Variants in SBSPON observed in about 807,000 individuals in gnomAD.
The protein encoded by SBSPON is somatomedin-B and thrombospondin type-1 domain-containing protein.
Under a neutral mutation model 35.8 loss-of-function variants are expected in SBSPON, and 30 were observed. That is an observed-to-expected ratio of 0.84 (90% CI 0.63 to 1.14). SBSPON has a LOEUF of 1.14. SBSPON is among the 50% of genes most tolerant of loss of function. SBSPON has a pLI of 0.00. For missense variants in SBSPON, 364 were observed against 357.7 expected, an observed-to-expected ratio of 1.02 and a Z score of -0.14; for synonymous variants, 136 against 135.9, an observed-to-expected ratio of 1.00 and a Z score of 0.00.
chr8:73,076,603 C>T (rs558027366), intron 2 of SBSPON, among the ~76,000 whole-genome samples: 1 of 151,516 alleles, frequency 6.6e-6, no homozygotes, highest in South Asian at 2.1e-4. Flanking sequence ...GCCATGATCA[C>T]ACCACTGCAC....
Position 73,067,168 on chromosome 8 carries a change from A to G in SBSPON, c.*173T>C. 2.0e-6 allele frequency: 1 copy of G among 494,450 alleles called. No homozygotes were observed. The highest frequency in any genetic ancestry group is 3.6e-6 in the Non-Finnish European group (1 of 274,578). The allele number at this position is 494,450 out of a possible 1,614,324, so 30.6% of individuals were successfully genotyped here. A position where few individuals can be genotyped will look rare whatever the true frequency, so the allele number is the denominator to read the frequency against. Reference sequence around the variant, plus strand: ...TCTTCAACTTAGTTAAAATAAAAATAAAGGACCTGTGTTCCTTGAGAACTG... The same window carrying G: ...TCTTCAACTTAGTTAAAATAAAAATGAAGGACCTGTGTTCCTTGAGAACTG... On this transcript the variant is annotated 3_prime_UTR_variant, in exon 5 of 5. Transcript: ENST00000297354.
chr8:73,081,147 G>A lies in SBSPON; in HGVS notation c.281C>T (p.Thr94Ile), dbSNP rs746411041. 1 of 1,613,332 alleles carries A rather than the reference G, an allele frequency of 6.2e-7. No homozygotes were observed. The highest frequency in any genetic ancestry group is 1.7e-5 in the Admixed American group (1 of 59,920). The change falls in exon 2 of 5, where the codon ACC becomes ATC. Residue 94 changes from threonine to isoleucine, a missense_variant. By Grantham distance (89) the Thr-to-Ile change is moderately conservative (BLOSUM62 -1). Transcript: ENST00000297354. ...CTGCACCGAGCGCCTCCGCACACGG[G>A]TTGTAGGCTTGCACTGGTCTGCACA... Reference protein sequence around the residue: ...SGCADQCKPTTRVRRRSVQQE... With the variant: ...SGCADQCKPTIRVRRRSVQQE...
chr8:73,087,947 C>G (rs1193083260), intron 1 of SBSPON, among the ~76,000 whole-genome samples: 2 of 152,180 alleles, frequency 1.3e-5, no homozygotes, highest in African/African-American at 4.8e-5. Flanking sequence ...GGCAGGGAAA[C>G]TTGGATCTGT....
rs1373905709 is a variant in SBSPON at position 73,066,784 on chromosome 8, A to G, written c.*557T>C. 1 of 152,226 alleles carries G rather than the reference A, an allele frequency of 6.6e-6. No individual in the cohort carries two copies. Among genetic ancestry groups the G allele is most frequent in the East Asian group, 1.9e-4 (1 of 5,206 alleles). The allele number at this position is 152,226 out of a possible 1,614,324, so 9.4% of individuals were successfully genotyped here. A position where few individuals can be genotyped will look rare whatever the true frequency, so the allele number is the denominator to read the frequency against. ...TTTTAGTATAACTTGGTTTTTCATT[A>G]CAGAATGCTTACTAAAATTTTAAAT... On this transcript the variant is annotated 3_prime_UTR_variant, in exon 5 of 5. Transcript: ENST00000297354.
In SBSPON at chr8:73,069,928, T is replaced by C. The variant is rs756106448; in HGVS notation, c.554A>G (p.Asn185Ser). ...CTGCATCCATCTAGTCAAGGGCCAG[T>C]TTTCCAGAGCACAGTGAGGAGTCAA... ...ESLTPHCALENWPLTRWMQYL... is the reference protein window; with the variant it reads ...ESLTPHCALESWPLTRWMQYL... Residue 185 changes from asparagine to serine, a missense_variant, in exon 4 of 5, where the codon AAC becomes AGC. Transcript: ENST00000297354. 6.2e-7 allele frequency: 1 copy of C among 1,611,568 alleles called. No individual in the cohort carries two copies. Among genetic ancestry groups the C allele is most frequent in the Non-Finnish European group, 8.5e-7 (1 of 1,178,368 alleles).
At chr8:73,088,294 A>G (rs1299791896) in intron 1 of SBSPON, among the ~76,000 whole-genome samples, 1 of 152,248 alleles carries the variant, frequency 6.6e-6, no homozygotes, top group Admixed American at 6.5e-5. Context: ...AAGCATGCTT[A>G]GTTACACTGA....
Position 73,073,995 on chromosome 8 carries a change from C to A in SBSPON, c.410-2125G>T, listed in dbSNP as rs187484405. On this transcript the variant is annotated intron_variant, in intron 2 of 4. Transcript: ENST00000297354. ...AAAGAACAAGAGAGTGCATGTATAT[C>A]AGGATCCCTCTCTGTTTCTCTGAGA... is the stretch of plus-strand genomic sequence containing the variant. Among the ~76,000 whole-genome samples, 208 of 152,286 alleles carry A rather than the reference C, an allele frequency of 1.4e-3. 2 individuals are homozygous for A. The highest frequency in any genetic ancestry group is 4.9e-3 in the African/African-American group (205 of 41,550).
intron 1 of SBSPON, among the ~76,000 whole-genome samples, chr8:73,088,682 CA>C (rs1051533557): frequency 7.4e-6 from 1 of 135,144 alleles, no homozygotes; most frequent in South Asian, 2.2e-4. Context: ...GATCCCATCT[CA>C]AAAAGAAAAA....
rs1311600887 is a variant in SBSPON, at chr8:73,093,130, G to C, written c.-63C>G. On this transcript the variant is annotated 5_prime_UTR_variant, in exon 1 of 5. Transcript: ENST00000297354. Reference sequence around the variant, plus strand: ...CCCGGGGCAAGCGCTCTGATCCTCGGCTGGCCGCGGCCCGGGAGCTGCCCG... The same window carrying C: ...CCCGGGGCAAGCGCTCTGATCCTCGCCTGGCCGCGGCCCGGGAGCTGCCCG... 3 of 926,290 alleles carry C rather than the reference G, an allele frequency of 3.2e-6. No homozygotes were observed. Among genetic ancestry groups the C allele is most frequent in the Admixed American group, 4.6e-5 (1 of 21,752 alleles). The allele number at this position is 926,290 out of a possible 1,614,324, so 57.4% of individuals were successfully genotyped here. A position where few individuals can be genotyped will look rare whatever the true frequency, so the allele number is the denominator to read the frequency against.
intron 1 of SBSPON, among the ~76,000 whole-genome samples, chr8:73,089,440 C>T (rs1193755561): frequency 2.6e-5 from 4 of 151,952 alleles, no homozygotes; most frequent in African/African-American, 9.7e-5. Context: ...CCTGTAATCC[C>T]AGCTACTCAG....
intron 1 of SBSPON, among the ~76,000 whole-genome samples, chr8:73,084,789 CACACACACACTT>C (rs1418102855): frequency 1.5e-5 from 2 of 131,168 alleles, no homozygotes; most frequent in Non-Finnish European, 1.6e-5. Flanking sequence ...CACACACACA[CACACACACACTT>C]ATTTCCTCTC....
At chr8:73,075,494 A>G (rs762696450) in intron 2 of SBSPON, among the ~76,000 whole-genome samples, 8 of 152,386 alleles carry the variant, frequency 5.2e-5, no homozygotes, top group East Asian at 1.9e-4. Flanking sequence ...AAGGCCCCCA[A>G]TAAATCTAAG....
In SBSPON at chr8:73,066,397, T is replaced by C. The variant is rs1015928004; in HGVS notation, c.*944A>G. 1.3e-5 allele frequency: 2 copies of C among 152,098 alleles called. No homozygotes were observed. The highest frequency in any genetic ancestry group is 1.3e-4 in the Admixed American group (2 of 15,256). The allele number at this position is 152,098 out of a possible 1,614,324, so 9.4% of individuals were successfully genotyped here. A position where few individuals can be genotyped will look rare whatever the true frequency, so the allele number is the denominator to read the frequency against. ...ATAAAATAAGGAGACTAACATTTCC[T>C]TGTGTGTGTGTGAGATCGTAGCACC... On this transcript the variant is annotated 3_prime_UTR_variant, in exon 5 of 5. Coordinates refer to ENST00000297354, the MANE Select transcript of SBSPON (RefSeq NM_153225.4).
chr8:73,078,946 C>T (rs1810644940), intron 2 of SBSPON, among the ~76,000 whole-genome samples: 1 of 152,140 alleles, frequency 6.6e-6, no homozygotes, highest in Non-Finnish European at 1.5e-5. Flanking sequence ...CTGTGCGCCC[C>T]ACATGCCGAC....
At chr8:73,086,703 TG>T (rs1332180227) in intron 1 of SBSPON, among the ~76,000 whole-genome samples, 1 of 152,084 alleles carries the variant, frequency 6.6e-6, no homozygotes, top group Non-Finnish European at 1.5e-5. Flanking sequence ...CAAGATGACA[TG>T]GGCTGTGTCA....
rs541092078 is a variant in SBSPON at position 73,083,399 on chromosome 8, G to A, written c.215-2186C>T. 5.9e-4 allele frequency among the ~76,000 whole-genome samples: 90 copies of A among 152,302 alleles called. 1 individual carries two copies. Among genetic ancestry groups the A allele is most frequent in the African/African-American group, 2.1e-3 (89 of 41,566 alleles). ...TTTCACAAAATATTTTGCGTCGGAAGATTAAATAAATTAAGAAGTATTTAT... is the reference window on the plus strand; with the variant it reads ...TTTCACAAAATATTTTGCGTCGGAAAATTAAATAAATTAAGAAGTATTTAT... On this transcript the variant is annotated intron_variant, in intron 1 of 4. Transcript: ENST00000297354.
chr8:73,072,363 G>A (rs1810509976), intron 2 of SBSPON, among the ~76,000 whole-genome samples: 1 of 151,958 alleles, frequency 6.6e-6, no homozygotes, highest in African/African-American at 2.4e-5. Flanking sequence ...GACAAACAGA[G>A]AAAAAAATGA....
intron 2 of SBSPON, among the ~76,000 whole-genome samples, chr8:73,077,018 T>A (rs946799735): frequency 6.6e-6 from 1 of 152,176 alleles, no homozygotes; most frequent in Non-Finnish European, 1.5e-5. Flanking sequence ...GCAATTCTCC[T>A]GCCTCAGCCT....
At position 73,092,961 on chromosome 8, in the gene SBSPON, C is replaced by G. The variant is rs1810965175; in HGVS notation, c.107G>C (p.Cys36Ser). 8.1e-6 allele frequency: 13 copies of G among 1,600,574 alleles called. No homozygotes were observed. The highest frequency in any genetic ancestry group is 1.1e-5 in the Non-Finnish European group (13 of 1,175,308). The change falls in exon 1 of 5, where the codon TGC (cysteine) becomes TCC (serine). Residue 36 changes from cysteine to serine, a missense_variant. Transcript: ENST00000297354. The part of the protein sequence containing the change: ...GRCCPGRDPA[C>S]FARGWRLDRV... The stretch of plus-strand genomic sequence containing the variant: ...GTCCAGCCTCCAGCCGCGGGCGAAG[C>G]AGGCGGGGTCCCGGCCGGGACAGCA...
Sources: allele counts gnomAD v4.1 joint callset (sites outside exome capture counted in the v4.1 genomes callset), GRCh38; gene constraint gnomAD v4.1.1; transcripts MANE v1.5; gene names NCBI Gene and HGNC (gene_info 2026-07-23, HGNC 2026-07-21).